Variants in FCF1 observed in about 807,000 individuals in gnomAD.
FCF1 encodes the protein rRNA-processing protein FCF1 homolog.
Under a neutral mutation model 32.5 loss-of-function variants are expected in FCF1, and 17 were observed. That is an observed-to-expected ratio of 0.52 (90% CI 0.36 to 0.78). FCF1 has a LOEUF of 0.78. Among genes scored for constraint, FCF1 ranks in the 30% least tolerant of loss-of-function variants. The pLI is 0.00. For missense variants in FCF1, 201 were observed against 241.1 expected, an observed-to-expected ratio of 0.83 and a Z score of 1.10; for synonymous variants, 84 against 78.4, an observed-to-expected ratio of 1.07 and a Z score of -0.38.
intron 5 of FCF1, among the ~76,000 whole-genome samples, chr14:74,731,246 A>AG: frequency 6.6e-6 from 1 of 152,176 alleles, no homozygotes; most frequent in East Asian, 1.9e-4. Context: ...TGTTAGCTGG[A>AG]GGGGGGTATA....
In FCF1 at chr14:74,732,748, G is replaced by T. The variant is rs2090655648; in HGVS notation, c.383G>T (p.Arg128Ile). The change falls in exon 6 of 8, where the codon AGA (arginine) becomes ATA (isoleucine). Residue 128 changes from arginine (R) to isoleucine (I), a missense_variant. By Grantham distance (97) the Arg-to-Ile change is moderately conservative. Around this residue, in one of 3 missense-constraint regions of FCF1, gnomAD observed 121 missense variants for 147.8 expected, o/e 0.82. Transcript: ENST00000341162. ...ACCTACAGGATTGCCAAGGATCCAAGATTTGAACGATTACCATGTACACAC... is the reference window on the plus strand; with the variant it reads ...ACCTACAGGATTGCCAAGGATCCAATATTTGAACGATTACCATGTACACAC... ...RVALRIAKDP[R>I]FERLPCTHKG... 1 of 1,612,312 alleles carries T rather than the reference G, an allele frequency of 6.2e-7. No individual in the cohort carries two copies.
Position 74,723,220 on chromosome 14 carries a change from A to G in FCF1, c.293-52A>G, listed in dbSNP as rs2090529577. Reference sequence around the variant, plus strand: ...AACTCTGAGCAGGGATATAATTCAGAGATAATTTCGTTACAAGTTCTGTTC... The same window carrying G: ...AACTCTGAGCAGGGATATAATTCAGGGATAATTTCGTTACAAGTTCTGTTC... On this transcript the variant is annotated intron_variant, in intron 4 of 7. Transcript: ENST00000341162. 3 of 1,310,820 alleles carry G rather than the reference A, an allele frequency of 2.3e-6. No individual in the cohort carries two copies. The African/African-American group carries it at 4.4e-5, about 19-fold the overall frequency. 81.2% of individuals were successfully genotyped at this position (1,310,820 alleles called of 1,614,324 possible). A position where few individuals can be genotyped will look rare whatever the true frequency, so the allele number is the denominator to read the frequency against.
intron 4 of FCF1, among the ~76,000 whole-genome samples, chr14:74,721,419 G>T (rs12897105): frequency 0.23 from 34,493 of 152,146 alleles, 4,059 homozygotes; most frequent in South Asian, 0.31. Flanking sequence ...AGTTATGTAT[G>T]GCCGGGCACG....
chr14:74,722,613 A>C (rs1223622285), intron 4 of FCF1, among the ~76,000 whole-genome samples: 2 of 151,664 alleles, frequency 1.3e-5, no homozygotes, highest in African/African-American at 4.8e-5. Flanking sequence ...GGCTAATTTC[A>C]TGGTTTCTTG....
rs2090726527 is a variant in FCF1 at position 74,738,521 on chromosome 14, T to C, written c.*3591T>C. The C allele has an allele frequency of 1.3e-5, 2 of 152,136 alleles. No homozygotes were observed. Among genetic ancestry groups the C allele is most frequent in the South Asian group, 4.1e-4 (2 of 4,826 alleles). 9.4% of individuals were successfully genotyped at this position (152,136 alleles called of 1,614,324 possible). Reference sequence around the variant, plus strand: ...TACATGTAACAAGGGTTTAGAGAAATGAGTACTGATGTCATGCTGACAGAA... The same window carrying C: ...TACATGTAACAAGGGTTTAGAGAAACGAGTACTGATGTCATGCTGACAGAA... On this transcript the variant is annotated 3_prime_UTR_variant, in exon 8 of 8. Transcript: ENST00000341162.
chr14:74,713,370 A>G (rs912975837), intron 1 of FCF1, 115 bp from the exon 2 acceptor site: 2 of 1,547,852 alleles, frequency 1.3e-6, no homozygotes, highest in Non-Finnish European at 1.8e-6. Context: ...AGAGTGGGGA[A>G]GAGGGTCTGG....
rs1049857095 is a variant in FCF1 at position 74,735,052 on chromosome 14, T to C, written c.*122T>C. The C allele has an allele frequency of 6.1e-6, 5 of 823,382 alleles. No individual in the cohort carries two copies. Among genetic ancestry groups the C allele is most frequent in the Non-Finnish European group, 1.0e-5 (5 of 486,128 alleles). 51.0% of individuals were successfully genotyped at this position (823,382 alleles called of 1,614,324 possible). On this transcript the variant is annotated 3_prime_UTR_variant, in exon 8 of 8. Transcript: ENST00000341162. ...GAGACTGATGGAGTTCAGGGAGATA[T>C]TTATTATTTAGGTGCACCAGCCCAG...
intron 4 of FCF1, among the ~76,000 whole-genome samples, chr14:74,721,044 ATTT>A (rs750216386): frequency 1.7e-5 from 2 of 120,938 alleles, no homozygotes; most frequent in African/African-American, 3.1e-5. Context: ...CACCCACCTA[ATTT>A]TTTTTTTTTT....
At chr14:74,721,386 G>C (rs1159293162) in intron 4 of FCF1, among the ~76,000 whole-genome samples, 1 of 152,170 alleles carries the variant, frequency 6.6e-6, no homozygotes, top group African/African-American at 2.4e-5. Context: ...GTTTTGCCAT[G>C]TTGGCCAGGA....
At chr14:74,718,672 A>G (rs1033657772) in intron 4 of FCF1, among the ~76,000 whole-genome samples, 2 of 151,804 alleles carry the variant, frequency 1.3e-5, no homozygotes, top group Admixed American at 6.6e-5. Context: ...GGGTTTCTCT[A>G]TGTTGGCCAG....
At chr14:74,713,409 A>G (rs1262317618) in intron 1 of FCF1, 76 bp from the exon 2 acceptor site, 8 of 1,547,544 alleles carry the variant, frequency 5.2e-6, no homozygotes, top group Non-Finnish European at 7.1e-6. Context: ...GGAAGGCAAT[A>G]GACAAGAGAA....
rs967901679 is a variant in FCF1 at position 74,725,661 on chromosome 14, G to A, written c.365+2317G>A. On this transcript the variant is annotated intron_variant, in intron 5 of 7. Transcript: ENST00000341162. Reference sequence around the variant, plus strand: ...AAATTTGCCGGGCGGCCAGCCAGGCGCAGTGGCTCACGCCTGTAATCCCAG... The same window carrying A: ...AAATTTGCCGGGCGGCCAGCCAGGCACAGTGGCTCACGCCTGTAATCCCAG... 5.9e-5 allele frequency among the ~76,000 whole-genome samples: 9 copies of A among 151,834 alleles called. No homozygotes were observed. In the East Asian group the frequency reaches 9.8e-4, roughly 16 times the overall value.
chr14:74,726,121 G>A (rs2090574962), intron 5 of FCF1, among the ~76,000 whole-genome samples: 1 of 151,878 alleles, frequency 6.6e-6, no homozygotes, highest in Non-Finnish European at 1.5e-5. Context: ...TACTATACAA[G>A]AGTGAAGATG....
At chr14:74,726,056 C>G (rs1223017582) in intron 5 of FCF1, among the ~76,000 whole-genome samples, 2 of 151,528 alleles carry the variant, frequency 1.3e-5, no homozygotes, top group South Asian at 2.1e-4. Flanking sequence ...GAGACCTTGT[C>G]TCTTTAAAAA....
chr14:74,717,308 A>G (rs1405811979), intron 4 of FCF1, among the ~76,000 whole-genome samples: 1 of 152,006 alleles, frequency 6.6e-6, no homozygotes, highest in African/African-American at 2.4e-5. Context: ...GTGAGCCGAG[A>G]TTGTGCCACT....
chr14:74,737,229 C>G lies in FCF1; in HGVS notation c.*2299C>G, dbSNP rs1343777347. On this transcript the variant is annotated 3_prime_UTR_variant, in exon 8 of 8. Coordinates refer to ENST00000341162, the MANE Select transcript of FCF1 (RefSeq NM_015962.5). ...AATTAACTGGGCGTGGTGGTGCAAGCCTGTAGTCCCAGCTACTTGGGAGGC... is the reference window on the plus strand; with the variant it reads ...AATTAACTGGGCGTGGTGGTGCAAGGCTGTAGTCCCAGCTACTTGGGAGGC... The G allele has an allele frequency of 6.6e-6, 1 of 152,196 alleles. No homozygotes were observed. The highest frequency in any genetic ancestry group is 6.6e-5 in the Admixed American group (1 of 15,252). The allele number at this position is 152,196 out of a possible 1,614,324, so 9.4% of individuals were successfully genotyped here. A position where few individuals can be genotyped will look rare whatever the true frequency, so the allele number is the denominator to read the frequency against.
At chr14:74,732,405 A>T (rs907175731) in intron 5 of FCF1, among the ~76,000 whole-genome samples, 1 of 152,180 alleles carries the variant, frequency 6.6e-6, no homozygotes, top group Non-Finnish European at 1.5e-5. Context: ...TGAAATGGTT[A>T]GGTTAAAATG....
chr14:74,723,777 T>C (rs143203204), intron 5 of FCF1, among the ~76,000 whole-genome samples: 74 of 146,142 alleles, frequency 5.1e-4, no homozygotes, highest in African/African-American at 1.7e-3. Flanking sequence ...GCAGTGAGCC[T>C]ACATCACGCC....
At chr14:74,713,674 G>T (rs957300812) in intron 2 of FCF1, 122 bp downstream of exon 2, 2 of 788,270 alleles carry the variant, frequency 2.5e-6, no homozygotes, top group African/African-American at 3.5e-5. Context: ...GATTTATATA[G>T]CATGAGATAG....
Sources: allele counts gnomAD v4.1 joint callset (sites outside exome capture counted in the v4.1 genomes callset), GRCh38; gene constraint gnomAD v4.1.1; regional missense constraint gnomAD v4.1.1; transcripts MANE v1.5; gene names NCBI Gene and HGNC (gene_info 2026-07-23, HGNC 2026-07-21).